GAS7: variants seen among roughly 807,000 people sequenced by gnomAD.
GAS7 encodes the protein growth arrest-specific protein 7.
GAS7 carries 28 observed loss-of-function variants against 71.1 expected under a neutral mutation model. The observed-to-expected ratio is 0.39, with a 90% CI of 0.29 to 0.54. The LOEUF (loss-of-function observed/expected upper bound fraction) is 0.54, where lower values mean the gene tolerates loss of function less well. Ranked by LOEUF, GAS7 falls within the 20% of genes least tolerant of loss-of-function variation. The pLI is 0.62. For missense variants in GAS7, 436 were observed against 627.8 expected (o/e 0.69, Z 3.27); for synonymous variants, 258 against 245.8 (o/e 1.05, Z -0.46).
intron 1 of GAS7, among the ~76,000 whole-genome samples, chr17:10,077,400 CA>C (rs2073406662): frequency 6.6e-6 from 1 of 152,126 alleles, no homozygotes; most frequent in Non-Finnish European, 1.5e-5. Context: ...CAATGGAAAA[CA>C]AATGGATAAA....
At chr17:9,999,679 G>A (rs886104263) in intron 2 of GAS7, among the ~76,000 whole-genome samples, 7 of 152,150 alleles carry the variant, frequency 4.6e-5, no homozygotes, top group African/African-American at 1.7e-4. Flanking sequence ...CAAGGAAGAG[G>A]ATGGCCATTT....
intron 1 of GAS7, among the ~76,000 whole-genome samples, chr17:10,054,968 G>A (rs1254618859): frequency 6.6e-6 from 1 of 152,244 alleles, no homozygotes; most frequent in Non-Finnish European, 1.5e-5. Flanking sequence ...CATCAGCTGA[G>A]AAGGTTTGGA....
chr17:10,000,249 T>C (rs2071218361), intron 2 of GAS7, among the ~76,000 whole-genome samples: 1 of 152,184 alleles, frequency 6.6e-6, no homozygotes, highest in African/African-American at 2.4e-5. Flanking sequence ...CCTGAGAAAT[T>C]GCACATCTAA....
chr17:10,005,322 T>TACACACACACAC (rs1410249816), intron 2 of GAS7, among the ~76,000 whole-genome samples: 3 of 144,778 alleles, frequency 2.1e-5, no homozygotes, highest in Admixed American at 1.4e-4. Context: ...CACACACATA[T>TACACACACACAC]ATATATACAC....
At chr17:10,011,803 C>T (rs1380233504) in intron 2 of GAS7, among the ~76,000 whole-genome samples, 1 of 151,952 alleles carries the variant, frequency 6.6e-6, no homozygotes, top group African/African-American at 2.4e-5. Context: ...ATGGAGAAAC[C>T]CCGTCTCTAC....
Position 9,973,124 on chromosome 17 carries a change from C to T in GAS7, c.386-3362G>A, listed in dbSNP as rs796276594. Among the ~76,000 whole-genome samples, 65 of 152,256 alleles carry T rather than the reference C, an allele frequency of 4.3e-4. 1 individual carries two copies. The highest frequency in any genetic ancestry group is 1.5e-3 in the African/African-American group (64 of 41,546). The stretch of plus-strand genomic sequence containing the variant: ...ACGGGAGACCATTAGCAAACCATGG[C>T]TGGTTCTGTGTGTGTGCATCACAAC... On this transcript the variant is annotated intron_variant, in intron 3 of 13. Coordinates refer to ENST00000432992, the MANE Select transcript of GAS7 (RefSeq NM_201433.2).
chr17:9,985,133 C>T (rs2070593972), intron 2 of GAS7, among the ~76,000 whole-genome samples: 1 of 152,160 alleles, frequency 6.6e-6, no homozygotes, highest in Admixed American at 6.5e-5. Context: ...GGAGATGCCC[C>T]TCCATCACGT....
At position 9,910,912 on chromosome 17, in the gene GAS7, C is replaced by T. The variant is rs1382725377; in HGVS notation, c.*6316G>A. On this transcript the variant is annotated 3_prime_UTR_variant, in exon 14 of 14. Coordinates refer to ENST00000432992, the MANE Select transcript of GAS7 (RefSeq NM_201433.2). ...GGGTGAGGAGTGCTGGCGGGAGACA[C>T]GGCTCTTTAACATGAAAAATGTATA... 3.0e-5 allele frequency: 7 copies of T among 230,414 alleles called. No individual in the cohort carries two copies. Among genetic ancestry groups the T allele is most frequent in the South Asian group, 1.8e-4 (1 of 5,480 alleles). The allele number at this position is 230,414 out of a possible 1,614,324, so 14.3% of individuals were successfully genotyped here.
At chr17:10,193,556 A>C (rs939227320) in intron 1 of GAS7, among the ~76,000 whole-genome samples, 2 of 152,204 alleles carry the variant, frequency 1.3e-5, no homozygotes, top group African/African-American at 4.8e-5. Flanking sequence ...CAGAAACGAT[A>C]TGCCAGTTCT....
At chr17:10,102,202 C>A in intron 1 of GAS7, among the ~76,000 whole-genome samples, 2 of 104,708 alleles carry the variant, frequency 1.9e-5, no homozygotes, top group African/African-American at 3.8e-5. Flanking sequence ...GAAAGAGTGC[C>A]CGTAAAAAAA....
intron 1 of GAS7, among the ~76,000 whole-genome samples, chr17:10,054,289 T>C (rs1182085879): frequency 6.6e-6 from 1 of 152,164 alleles, no homozygotes; most frequent in Non-Finnish European, 1.5e-5. Context: ...ATGGCAACTG[T>C]TCCACTATTG....
chr17:10,160,939 TACACACACACACACAC>T (rs61578754), intron 1 of GAS7, among the ~76,000 whole-genome samples: 7,461 of 139,692 alleles, frequency 0.053, 246 homozygotes, highest in South Asian at 0.11. Context: ...ATTGAAACCA[TACACACACACACACAC>T]ACACACACAC....
chr17:10,140,387 G>A (rs951277398), intron 1 of GAS7, among the ~76,000 whole-genome samples: 11 of 152,122 alleles, frequency 7.2e-5, no homozygotes, highest in Non-Finnish European at 1.0e-4. Context: ...ATTTGAGTCC[G>A]GGGGTTGAGG....
At chr17:10,036,529 C>A in intron 1 of GAS7, 1 of 1,601,008 alleles carries the variant, frequency 6.2e-7, no homozygotes. Context: ...AAGACTCCGC[C>A]GGCTTCCTCT....
intron 2 of GAS7, among the ~76,000 whole-genome samples, chr17:10,007,980 C>T (rs958891558): frequency 2.6e-5 from 4 of 152,154 alleles, no homozygotes; most frequent in African/African-American, 9.7e-5. Context: ...TCATATGGCA[C>T]ACGGCTTTTT....
In GAS7 at chr17:9,996,775, A is replaced by G. The variant is rs573559360; in HGVS notation, c.305-14891T>C. Among the ~76,000 whole-genome samples, 3 of 151,856 alleles carry G rather than the reference A, an allele frequency of 2.0e-5. No homozygotes were observed. The South Asian group carries it at 6.3e-4, about 32-fold the overall frequency. ...TGCCTCAGCCTCCTGAGTAGCTGGGATTACAGACATGCGCCACCACACCCA... is the reference window on the plus strand; with the variant it reads ...TGCCTCAGCCTCCTGAGTAGCTGGGGTTACAGACATGCGCCACCACACCCA... On this transcript the variant is annotated intron_variant, in intron 2 of 13. Transcript: ENST00000432992.
chr17:10,051,799 C>T (rs891528299), intron 1 of GAS7, among the ~76,000 whole-genome samples: 5 of 152,142 alleles, frequency 3.3e-5, no homozygotes, highest in African/African-American at 7.2e-5. Flanking sequence ...ATCGATCGCT[C>T]AAGCTCCCAA....
chr17:9,944,025 G>A (rs1227228735), intron 6 of GAS7, among the ~76,000 whole-genome samples: 1 of 152,226 alleles, frequency 6.6e-6, no homozygotes, highest in Non-Finnish European at 1.5e-5. Flanking sequence ...CAAACTTGGG[G>A]AGGATGGGCA....
At chr17:9,973,763 A>G (rs1305483221) in intron 3 of GAS7, among the ~76,000 whole-genome samples, 1 of 152,248 alleles carries the variant, frequency 6.6e-6, no homozygotes, top group Admixed American at 6.5e-5. Context: ...AGACACATCC[A>G]TGCATAGAAA....
Sources: gnomAD v4.1 joint callset for allele counts (sites outside exome capture counted in the v4.1 genomes callset) on GRCh38, gnomAD v4.1.1 for gene constraint, MANE v1.5 for transcripts, NCBI Gene and HGNC (gene_info 2026-07-23, HGNC 2026-07-21) for gene names.